Variants in CASP10 observed in about 807,000 individuals in gnomAD.
CASP10 encodes the protein caspase 10.
Under a neutral mutation model 48.5 loss-of-function variants are expected in CASP10, and 41 were observed. The observed-to-expected ratio is 0.85, with a 90% CI of 0.66 to 1.10. CASP10 has a LOEUF of 1.10. Among genes scored for constraint, CASP10 ranks in the 50% least tolerant of loss-of-function variants. The probability of loss-of-function intolerance (pLI) is 0.00; values close to 1 mark genes in which losing one functional copy is unlikely to be tolerated. For synonymous variants in CASP10, 232 were observed against 238.4 expected, an observed-to-expected ratio of 0.97 and a Z score of 0.25; for missense variants, 614 against 614.5, an observed-to-expected ratio of 1.00 and a Z score of 0.01.
Position 201,220,793 on chromosome 2 carries a change from G to T in CASP10, c.*3052G>T. ...GTGTTCATAACAGTCAGGGCCAAAA[G>T]CTAGTGGTCACAGTCCTTGTCCAGT... On this transcript the variant is annotated 3_prime_UTR_variant, in exon 10 of 10. Coordinates refer to ENST00000286186, the MANE Select transcript of CASP10 (RefSeq NM_032977.4). 3.0e-6 allele frequency: 3 copies of T among 985,384 alleles called. No homozygotes were observed. The highest frequency in any genetic ancestry group is 2.4e-6 in the Non-Finnish European group (2 of 829,942). The allele number at this position is 985,384 out of a possible 1,614,324, so 61.0% of individuals were successfully genotyped here.
chr2:201,228,958 A>G (rs748395033), exon 10 of CASP10: 11 of 1,614,008 alleles, frequency 6.8e-6, no homozygotes, highest in African/African-American at 1.3e-5. Context: ...GGAAAAGACA[A>G]TGGAAATCAG....
chr2:201,206,924 A>T (rs1051506113), intron 7 of CASP10, among the ~76,000 whole-genome samples: 4 of 152,194 alleles, frequency 2.6e-5, no homozygotes, highest in Admixed American at 6.5e-5. Context: ...TTTTGCATAA[A>T]CCCTGGGTTT....
intron 9 of CASP10, among the ~76,000 whole-genome samples, chr2:201,216,820 T>C (rs1174367729): frequency 1.3e-5 from 2 of 152,130 alleles, no homozygotes; most frequent in African/African-American, 2.4e-5. Context: ...CAATTTAAAA[T>C]TGAATGTGTT....
downstream of CASP10, among the ~76,000 whole-genome samples, chr2:201,226,134 TAGTTCAAAG>T (rs1434354275): frequency 6.6e-6 from 1 of 152,156 alleles, no homozygotes; most frequent in Non-Finnish European, 1.5e-5. Context: ...AAATATAAAC[TAGTTCAAAG>T]ATGAGCAAAA....
intron 4 of CASP10, 55 bp from the exon 5 acceptor site, chr2:201,195,784 TCTC>T: frequency 1.5e-6 from 2 of 1,374,766 alleles, no homozygotes; most frequent in Non-Finnish European, 2.1e-6. Flanking sequence ...TTCAAGCAAT[TCTC>T]CTGCTGCTAG....
chr2:201,227,017 T>C (rs938240695), intron 9 of CASP10, among the ~76,000 whole-genome samples: 2 of 152,148 alleles, frequency 1.3e-5, no homozygotes, highest in South Asian at 2.1e-4. Flanking sequence ...TGTACAAATA[T>C]ACAGATGCAT....
intron 9 of CASP10, among the ~76,000 whole-genome samples, chr2:201,210,350 C>A (rs888673915): frequency 5.3e-5 from 8 of 152,188 alleles, no homozygotes; most frequent in African/African-American, 1.9e-4. Context: ...CTGTTTCATT[C>A]AACTTTATAT....
At chr2:201,195,400 C>G (rs142480600) in intron 4 of CASP10, among the ~76,000 whole-genome samples, 44 of 152,234 alleles carry the variant, frequency 2.9e-4, no homozygotes, top group African/African-American at 7.0e-4. Flanking sequence ...CAGCAGAGTT[C>G]TAGTTTTGAT....
rs41440847 is a variant in CASP10, at chr2:201,207,629, C to T, written c.814-446C>T. ...AAAATTACCTGGGCATGGTGGCGGG[C>T]GCCTGTAGTCCCAGCTACTCGGGAG... is the stretch of plus-strand genomic sequence containing the variant. On this transcript the variant is annotated intron_variant, in intron 7 of 9. Transcript: ENST00000286186. 1.5e-3 allele frequency among the ~76,000 whole-genome samples: 231 copies of T among 151,992 alleles called. 3 individuals are homozygous for T. The highest frequency in any genetic ancestry group is 5.4e-3 in the African/African-American group (225 of 41,458).
intron 3 of CASP10, among the ~76,000 whole-genome samples, chr2:201,189,041 T>G (rs970570888): frequency 2.9e-4 from 44 of 151,372 alleles, no homozygotes; most frequent in African/African-American, 1.1e-3. Flanking sequence ...TGGCTAACTT[T>G]TTGTATTTTT....
intron 3 of CASP10, among the ~76,000 whole-genome samples, chr2:201,190,443 A>G (rs192522020): frequency 4.6e-5 from 7 of 152,270 alleles, no homozygotes; most frequent in African/African-American, 1.7e-4. Flanking sequence ...TTCAGTGCCC[A>G]CATTTGCAGT....
At chr2:201,216,872 C>T (rs34466627) in intron 9 of CASP10, among the ~76,000 whole-genome samples, 34 of 152,110 alleles carry the variant, frequency 2.2e-4, no homozygotes, top group Non-Finnish European at 4.7e-4. Flanking sequence ...TATTGCCTAC[C>T]CTGAGAACGT....
Position 201,218,936 on chromosome 2 carries a change from T to G in CASP10, c.*1195T>G. On this transcript the variant is annotated 3_prime_UTR_variant, in exon 10 of 10. Transcript: ENST00000286186. ...TAGGAAGATGATGGCTCATTTACAC[T>G]CAGCTGCTCTGCAAGCAGAAACTTT... is the stretch of plus-strand genomic sequence containing the variant. The G allele has an allele frequency of 2.0e-6, 2 of 985,450 alleles. No homozygotes were observed. Among genetic ancestry groups the G allele is most frequent in the Non-Finnish European group, 2.4e-6 (2 of 829,952 alleles). The allele number at this position is 985,450 out of a possible 1,614,324, so 61.0% of individuals were successfully genotyped here.
Position 201,218,665 on chromosome 2 carries a change from G to A in CASP10, c.*924G>A. 1 of 985,412 alleles carries A rather than the reference G, an allele frequency of 1.0e-6. No individual in the cohort carries two copies. The highest frequency in any genetic ancestry group is 1.2e-6 in the Non-Finnish European group (1 of 829,962). The allele number at this position is 985,412 out of a possible 1,614,324, so 61.0% of individuals were successfully genotyped here. On this transcript the variant is annotated 3_prime_UTR_variant, in exon 10 of 10. Transcript: ENST00000286186. ...AAACCACGTTCTTAGCCTAGATTGA[G>A]CTTAGATTGCCTCTCTAGACAACTA...
chr2:201,192,588 C>T (rs1047519568), intron 3 of CASP10, among the ~76,000 whole-genome samples: 3 of 152,086 alleles, frequency 2.0e-5, no homozygotes, highest in Non-Finnish European at 4.4e-5. Context: ...TGGTTAATAA[C>T]ATAGACTTTG....
At chr2:201,222,330 C>A (rs1945736344), downstream of CASP10, among the ~76,000 whole-genome samples, 2 of 151,580 alleles carry the variant, frequency 1.3e-5, no homozygotes, top group Non-Finnish European at 1.5e-5. Flanking sequence ...GATTCTCCTG[C>A]CTCCGCCTCC....
At chr2:201,199,482 C>G (rs1017526394) in intron 5 of CASP10, among the ~76,000 whole-genome samples, 2 of 150,654 alleles carry the variant, frequency 1.3e-5, no homozygotes, top group African/African-American at 4.9e-5. Context: ...GAGACCCTCT[C>G]TAAAAGAAAA....
rs539093314 is a variant in CASP10 at position 201,189,562 on chromosome 2, T to C, written c.441+1763T>C. On this transcript the variant is annotated intron_variant, in intron 3 of 9. Coordinates refer to ENST00000286186, the MANE Select transcript of CASP10 (RefSeq NM_032977.4). Reference sequence around the variant, plus strand: ...ATTACAGGCATGAACCACTGTGCTTTGCCTAGTTATCCAGTTTTTAAGTTA... The same window carrying C: ...ATTACAGGCATGAACCACTGTGCTTCGCCTAGTTATCCAGTTTTTAAGTTA... Among the ~76,000 whole-genome samples the C allele has an allele frequency of 3.3e-5, 5 of 152,272 alleles. No individual in the cohort carries two copies. In the East Asian group the frequency reaches 9.7e-4, roughly 29 times the overall value.
chr2:201,206,736 C>A (rs1167793976), intron 7 of CASP10, among the ~76,000 whole-genome samples: 1 of 151,524 alleles, frequency 6.6e-6, no homozygotes. Context: ...ACCACCATGC[C>A]AGCTTGTATA....
Sources: allele counts gnomAD v4.1 joint callset (sites outside exome capture counted in the v4.1 genomes callset), GRCh38; gene constraint gnomAD v4.1.1; transcripts MANE v1.5; gene names NCBI Gene and HGNC (gene_info 2026-07-23, HGNC 2026-07-21).